Variants in NLGN1 observed in about 807,000 individuals in gnomAD.
NLGN1 encodes neuroligin-1.
Under a neutral mutation model 65.5 loss-of-function variants are expected in NLGN1, and 12 were observed. That is an observed-to-expected ratio of 0.18 (90% CI 0.12 to 0.30). NLGN1 has a LOEUF of 0.30. NLGN1 is among the 10% of genes least tolerant of loss of function. NLGN1 has a pLI of 1.00. For missense variants in NLGN1, 750 were observed against 1,007.1 expected, an observed-to-expected ratio of 0.74 and a Z score of 3.46; for synonymous variants, 350 against 359.5, an observed-to-expected ratio of 0.97 and a Z score of 0.30.
At chr3:173,485,935 T>G (rs2148987455) in intron 2 of NLGN1, among the ~76,000 whole-genome samples, 1 of 152,322 alleles carries the variant, frequency 6.6e-6, no homozygotes, top group East Asian at 1.9e-4. Context: ...AGGTCTTATC[T>G]TTTTGTTTTG....
intron 3 of NLGN1, among the ~76,000 whole-genome samples, chr3:173,654,846 A>G: frequency 6.6e-6 from 1 of 152,136 alleles, no homozygotes; most frequent in Non-Finnish European, 1.5e-5. Context: ...GCATAGGAGG[A>G]AAAGAATTAA....
At chr3:173,945,101 A>G (rs1291862727) in intron 4 of NLGN1, among the ~76,000 whole-genome samples, 1 of 151,992 alleles carries the variant, frequency 6.6e-6, no homozygotes, top group Non-Finnish European at 1.5e-5. Flanking sequence ...CTGATTTGAA[A>G]GTCAATAACA....
chr3:173,737,535 T>C (rs1017195902), intron 3 of NLGN1, among the ~76,000 whole-genome samples: 1 of 152,070 alleles, frequency 6.6e-6, no homozygotes, highest in African/African-American at 2.4e-5. Flanking sequence ...TTTTGGCTTA[T>C]TGTGTTAGTG....
intron 4 of NLGN1, among the ~76,000 whole-genome samples, chr3:174,067,012 T>C (rs1275204005): frequency 6.6e-6 from 1 of 152,166 alleles, no homozygotes; most frequent in Non-Finnish European, 1.5e-5. Flanking sequence ...TGCTTTTGCT[T>C]CTCTGTATTT....
At chr3:173,565,199 G>A (rs1282810996) in intron 2 of NLGN1, among the ~76,000 whole-genome samples, 8 of 152,178 alleles carry the variant, frequency 5.3e-5, no homozygotes, top group Admixed American at 3.9e-4. Flanking sequence ...GAGAAGGACA[G>A]CCAGGTGAAA....
intron 2 of NLGN1, among the ~76,000 whole-genome samples, chr3:173,462,595 A>G (rs1422377673): frequency 2.6e-5 from 4 of 152,084 alleles, no homozygotes; most frequent in Non-Finnish European, 4.4e-5. Flanking sequence ...TTGTCTTACC[A>G]TAGCCAGTCT....
chr3:173,566,518 AT>A (rs1457492895), intron 2 of NLGN1, among the ~76,000 whole-genome samples: 28 of 152,300 alleles, frequency 1.8e-4, no homozygotes, highest in Middle Eastern at 3.4e-3. Context: ...TGGAAAAAAA[AT>A]ATTTCCTTTC....
At chr3:173,477,294 G>A (rs780786860) in intron 2 of NLGN1, among the ~76,000 whole-genome samples, 3 of 152,064 alleles carry the variant, frequency 2.0e-5, no homozygotes, top group Non-Finnish European at 2.9e-5. Flanking sequence ...TAATCCCACC[G>A]TTTTGGTAGG....
intron 3 of NLGN1, among the ~76,000 whole-genome samples, chr3:173,803,421 C>A (rs1160810574): frequency 1.3e-5 from 2 of 151,914 alleles, no homozygotes; most frequent in African/African-American, 4.8e-5. Flanking sequence ...GAGTAGGAGA[C>A]AAGACTGTCC....
chr3:174,188,471 A>G (rs1333450466), intron 4 of NLGN1, among the ~76,000 whole-genome samples: 2 of 152,002 alleles, frequency 1.3e-5, no homozygotes, highest in South Asian at 2.1e-4. Flanking sequence ...AGTCCTCACA[A>G]TAATCCTACT....
intron 3 of NLGN1, among the ~76,000 whole-genome samples, chr3:173,690,605 A>ATG (rs1318263546): frequency 6.6e-6 from 1 of 152,172 alleles, no homozygotes; most frequent in East Asian, 1.9e-4. Context: ...GAATTATGTA[A>ATG]TGAAAGTCCA....
intron 4 of NLGN1, among the ~76,000 whole-genome samples, chr3:173,946,756 A>G (rs1747234778): frequency 6.6e-6 from 1 of 152,188 alleles, no homozygotes. Context: ...GACTCTCATT[A>G]TCTTTAACCA....
intron 3 of NLGN1, among the ~76,000 whole-genome samples, chr3:173,675,885 T>TCACACACA (rs755774548): frequency 2.5e-5 from 3 of 121,162 alleles, no homozygotes; most frequent in African/African-American, 9.8e-5. Context: ...TCTCTCTCTC[T>TCACACACA]CTCACACACA....
intron 2 of NLGN1, among the ~76,000 whole-genome samples, chr3:173,549,705 T>G (rs1740517076): frequency 6.6e-6 from 1 of 152,082 alleles, no homozygotes; most frequent in Non-Finnish European, 1.5e-5. Flanking sequence ...TATGCTTATA[T>G]TACTGGCGGA....
chr3:173,742,802 A>G (rs535501742), intron 3 of NLGN1, among the ~76,000 whole-genome samples: 1 of 152,182 alleles, frequency 6.6e-6, no homozygotes, highest in East Asian at 1.9e-4. Flanking sequence ...TGGTTTTTTC[A>G]TATTAGTTGA....
chr3:174,218,085 T>A (rs910914995), intron 4 of NLGN1, among the ~76,000 whole-genome samples: 11 of 152,096 alleles, frequency 7.2e-5, no homozygotes, highest in African/African-American at 2.6e-4. Context: ...ATGGGAAAAA[T>A]TAACGCTTTA....
exon 7 of NLGN1, chr3:174,283,270 GTCTCA>G (rs1751751925): frequency 6.6e-6 from 1 of 151,350 alleles, no homozygotes; most frequent in South Asian, 2.1e-4. Context: ...TTAAAGGCAA[GTCTCA>G]TCTAAGATGA....
chr3:173,448,186 T>C (rs1720746791), intron 2 of NLGN1, among the ~76,000 whole-genome samples: 2 of 152,178 alleles, frequency 1.3e-5, no homozygotes. Context: ...CAGTATGATA[T>C]TGGCTGTGGG....
At chr3:174,130,045 G>A (rs1209524982) in intron 4 of NLGN1, among the ~76,000 whole-genome samples, 1 of 152,218 alleles carries the variant, frequency 6.6e-6, no homozygotes, top group South Asian at 2.1e-4. Context: ...CTGAACTTCA[G>A]GGCAGGGAGC....
Sources: gnomAD v4.1 joint callset for allele counts (sites outside exome capture counted in the v4.1 genomes callset) on GRCh38, gnomAD v4.1.1 for gene constraint, MANE v1.5 for transcripts, NCBI Gene and HGNC (gene_info 2026-07-23, HGNC 2026-07-21) for gene names.